Variants in ARHGAP31 observed in about 807,000 individuals in gnomAD.
The protein encoded by ARHGAP31 is rho GTPase-activating protein 31.
In ARHGAP31, 34 loss-of-function variants were observed where a neutral mutation model predicts 113.9. The observed-to-expected ratio is 0.30, with a 90% CI of 0.23 to 0.40. ARHGAP31 has a LOEUF of 0.40. Ranked by LOEUF, ARHGAP31 falls within the 10% of genes least tolerant of loss-of-function variation. The pLI, the probability that ARHGAP31 is intolerant of heterozygous loss-of-function variation, is 1.00. For synonymous variants in ARHGAP31, 650 were observed against 684.8 expected (o/e 0.95, Z 0.79); for missense variants, 1,548 against 1,767.1 (o/e 0.88, Z 2.22).
chr3:119,402,513 G>A (rs2080621379), intron 10 of ARHGAP31, 116 bp downstream of exon 10: 5 of 1,127,234 alleles, frequency 4.4e-6, no homozygotes, highest in Non-Finnish European at 5.2e-6. Context: ...TCTAGAGCCC[G>A]ATTGGGTACA....
intron 1 of ARHGAP31, among the ~76,000 whole-genome samples, chr3:119,364,547 C>T (rs1159052962): frequency 6.6e-6 from 1 of 152,174 alleles, no homozygotes; most frequent in Non-Finnish European, 1.5e-5. Flanking sequence ...CTAATTTTTG[C>T]ATGCATCAGA....
intron 2 of ARHGAP31, among the ~76,000 whole-genome samples, chr3:119,365,828 A>G (rs550132623): frequency 1.3e-5 from 2 of 152,140 alleles, no homozygotes; most frequent in African/African-American, 2.4e-5. Flanking sequence ...CTGCTGGCAC[A>G]CCCTCAAATT....
At chr3:119,372,001 A>G (rs1053469601) in intron 3 of ARHGAP31, among the ~76,000 whole-genome samples, 24 of 152,162 alleles carry the variant, frequency 1.6e-4, no homozygotes, top group African/African-American at 5.8e-4. Context: ...TCTTTATCCA[A>G]TCTGCCATTG....
intron 6 of ARHGAP31, among the ~76,000 whole-genome samples, chr3:119,389,128 T>G (rs1448830035): frequency 6.6e-6 from 1 of 151,938 alleles, no homozygotes; most frequent in Non-Finnish European, 1.5e-5. Context: ...ACCACTGCAG[T>G]CCAGCCTGGG....
chr3:119,299,214 T>C (rs1334825654), intron 1 of ARHGAP31, among the ~76,000 whole-genome samples: 2 of 152,218 alleles, frequency 1.3e-5, no homozygotes. Context: ...GAAATCAGAA[T>C]CTTTTTTAGA....
chr3:119,402,426 G>A (rs1387058064), intron 10 of ARHGAP31, 29 bp downstream of exon 10: 3 of 1,603,034 alleles, frequency 1.9e-6, no homozygotes, highest in East Asian at 2.2e-5. Flanking sequence ...GTATCTTTCC[G>A]TTGCAAGAGA....
chr3:119,329,363 A>G (rs1052838891), intron 1 of ARHGAP31, among the ~76,000 whole-genome samples: 1 of 152,168 alleles, frequency 6.6e-6, no homozygotes, highest in Non-Finnish European at 1.5e-5. Context: ...TGCCACAAAA[A>G]CACCACAGGC....
chr3:119,360,500 A>G (rs2080196169), intron 1 of ARHGAP31, among the ~76,000 whole-genome samples: 1 of 152,220 alleles, frequency 6.6e-6, no homozygotes, highest in South Asian at 2.1e-4. Flanking sequence ...CCAGGCACAC[A>G]GGGAACTGAG....
chr3:119,367,036 A>G (rs2080257206), intron 2 of ARHGAP31, among the ~76,000 whole-genome samples: 1 of 151,780 alleles, frequency 6.6e-6, no homozygotes, highest in Non-Finnish European at 1.5e-5. Flanking sequence ...TGGGAGGCAG[A>G]GGTTGCAGTG....
At chr3:119,366,534 T>C (rs536418903) in intron 2 of ARHGAP31, among the ~76,000 whole-genome samples, 1 of 152,212 alleles carries the variant, frequency 6.6e-6, no homozygotes, top group Non-Finnish European at 1.5e-5. Flanking sequence ...AATTTACTAG[T>C]ACTCCATTTA....
chr3:119,392,446 T>TCAA lies in ARHGAP31; in HGVS notation c.882-999_882-997dup, dbSNP rs548927602. ...CTGGGTAACAGAGCGAGACCCTGTC[T>TCAA]CAACAACAACAACAACAACAACAAA... On this transcript the variant is annotated intron_variant, in intron 7 of 11. Transcript: ENST00000264245. 1.1e-3 allele frequency among the ~76,000 whole-genome samples: 166 copies of TCAA among 152,038 alleles called. 1 individual carries two copies. Among genetic ancestry groups the TCAA allele is most frequent in the Admixed American group, 3.3e-3 (50 of 15,264 alleles).
rs570549504 is a variant in ARHGAP31, at chr3:119,312,432, C to G, written c.100+17428C>G. On this transcript the variant is annotated intron_variant, in intron 1 of 11. Coordinates refer to ENST00000264245, the MANE Select transcript of ARHGAP31 (RefSeq NM_020754.4). ...TTGTAATGTTCCTTCTCACCCGCCT[C>G]CTGGTCACGCTTCTACTCCATCCCA... is the stretch of plus-strand genomic sequence containing the variant. Among the ~76,000 whole-genome samples, 7 of 152,324 alleles carry G rather than the reference C, an allele frequency of 4.6e-5. No homozygotes were observed. The South Asian group carries it at 1.5e-3, about 32-fold the overall frequency.
intron 1 of ARHGAP31, among the ~76,000 whole-genome samples, chr3:119,343,346 C>T (rs770828956): frequency 5.9e-5 from 9 of 152,184 alleles, no homozygotes; most frequent in Non-Finnish European, 8.8e-5. Flanking sequence ...CTTCCCTCAG[C>T]CCCTAATTTC....
At chr3:119,374,160 A>C (rs2080328164) in intron 3 of ARHGAP31, among the ~76,000 whole-genome samples, 1 of 152,186 alleles carries the variant, frequency 6.6e-6, no homozygotes, top group African/African-American at 2.4e-5. Context: ...TGTTGGAGGT[A>C]GGGTCCTAGT....
chr3:119,294,898 C>G lies in ARHGAP31; in HGVS notation c.-7C>G. On this transcript the variant is annotated 5_prime_UTR_variant, in exon 1 of 12. Transcript: ENST00000264245. The stretch of plus-strand genomic sequence containing the variant: ...AGACGGAGGGGCAGCCTCTTTGGGA[C>G]TAACTCATGAAGAACAAGGGTGCTA... The G allele has an allele frequency of 6.2e-7, 1 of 1,613,872 alleles. No individual in the cohort carries two copies. The highest frequency in any genetic ancestry group is 2.2e-5 in the East Asian group (1 of 44,832).
intron 1 of ARHGAP31, among the ~76,000 whole-genome samples, chr3:119,339,938 T>C (rs1408299525): frequency 6.6e-6 from 1 of 152,170 alleles, no homozygotes; most frequent in Non-Finnish European, 1.5e-5. Context: ...ACCTCATCAA[T>C]GTTAAAAATG....
At chr3:119,384,793 G>A (rs6789473) in intron 6 of ARHGAP31, among the ~76,000 whole-genome samples, 22,399 of 152,078 alleles carry the variant, frequency 0.15, 2,149 homozygotes, top group African/African-American at 0.27. Context: ...CAAACCCCAT[G>A]CTCATTAAGC....
At chr3:119,400,288 T>TA (rs2080589409) in intron 9 of ARHGAP31, among the ~76,000 whole-genome samples, 1 of 151,760 alleles carries the variant, frequency 6.6e-6, no homozygotes, top group Admixed American at 6.6e-5. Flanking sequence ...TACAAGAAAT[T>TA]AGCCAGGCGT....
At chr3:119,337,426 G>C (rs929456374) in intron 1 of ARHGAP31, among the ~76,000 whole-genome samples, 4 of 151,856 alleles carry the variant, frequency 2.6e-5, no homozygotes, top group Non-Finnish European at 4.4e-5. Flanking sequence ...AGCTCATAAA[G>C]GCAGCACAGA....
Sources: allele counts gnomAD v4.1 joint callset (sites outside exome capture counted in the v4.1 genomes callset), GRCh38; gene constraint gnomAD v4.1.1; transcripts MANE v1.5; gene names NCBI Gene and HGNC (gene_info 2026-07-23, HGNC 2026-07-21).